RUNX1: variants seen among roughly 807,000 people sequenced by gnomAD.
RUNX1 encodes the protein runt-related transcription factor 1.
Under a neutral mutation model 42.8 loss-of-function variants are expected in RUNX1, and 19 were observed. That is an observed-to-expected ratio of 0.44 (90% confidence interval 0.31 to 0.65). The LOEUF (loss-of-function observed/expected upper bound fraction) is 0.65, where lower values mean the gene tolerates loss of function less well. Ranked by LOEUF, RUNX1 falls within the 30% of genes least tolerant of loss-of-function variation. RUNX1 has a pLI of 0.07. For synonymous variants in RUNX1, 271 were observed against 289.4 expected (o/e 0.94, Z 0.64); for missense variants, 528 against 672.0 (o/e 0.79, Z 2.37).
At chr21:34,842,505 A>AG (rs2057253154) in intron 6 of RUNX1, among the ~76,000 whole-genome samples, 1 of 151,576 alleles carries the variant, frequency 6.6e-6, no homozygotes, top group Non-Finnish European at 1.5e-5. Flanking sequence ...AAAAAAAAAA[A>AG]AAAAAAAAAA....
At chr21:35,029,738 G>A (rs1252370290) in intron 2 of RUNX1, among the ~76,000 whole-genome samples, 3 of 152,084 alleles carry the variant, frequency 2.0e-5, no homozygotes, top group Admixed American at 6.5e-5. Flanking sequence ...TCCGTCTTGG[G>A]CTTCTGGCAT....
intron 7 of RUNX1, among the ~76,000 whole-genome samples, chr21:34,831,367 G>C (rs1164615791): frequency 6.6e-6 from 1 of 152,128 alleles, no homozygotes; most frequent in Non-Finnish European, 1.5e-5. Context: ...AATCTGTACC[G>C]TGCTTCAGAT....
At chr21:34,878,438 A>C (rs1162751562) in intron 5 of RUNX1, among the ~76,000 whole-genome samples, 2 of 151,570 alleles carry the variant, frequency 1.3e-5, no homozygotes, top group Non-Finnish European at 1.5e-5. Flanking sequence ...AGTAATTACA[A>C]TTGGGTCAAA....
intron 2 of RUNX1, among the ~76,000 whole-genome samples, chr21:34,978,132 G>T (rs2058817079): frequency 6.6e-6 from 1 of 152,116 alleles, no homozygotes; most frequent in South Asian, 2.1e-4. Context: ...TAGAGACGGG[G>T]TTTCACCGTG....
At chr21:34,853,078 T>C (rs1435337977) in intron 6 of RUNX1, among the ~76,000 whole-genome samples, 8 of 152,172 alleles carry the variant, frequency 5.3e-5, no homozygotes, top group Non-Finnish European at 1.0e-4. Context: ...GTCACTCCAC[T>C]TTACCCATCT....
At chr21:34,896,348 G>A (rs933774038) in intron 2 of RUNX1, among the ~76,000 whole-genome samples, 4 of 152,088 alleles carry the variant, frequency 2.6e-5, no homozygotes, top group Admixed American at 2.6e-4. Context: ...CCAAGGAGAT[G>A]GAGCTAGGAA....
intron 6 of RUNX1, chr21:34,856,212 C>T (rs1339389282): frequency 4.9e-6 from 2 of 407,078 alleles, no homozygotes; most frequent in Non-Finnish European, 9.8e-6. Flanking sequence ...CAGTCCTTAA[C>T]TTAGTCAGCG....
Position 34,799,470 on chromosome 21 carries a change from G to C in RUNX1, c.806-8C>G, listed in dbSNP as rs1200875659. 4.3e-6 allele frequency: 7 copies of C among 1,613,190 alleles called. No homozygotes were observed. The highest frequency in any genetic ancestry group is 5.9e-6 in the Non-Finnish European group (7 of 1,179,242). On this transcript the variant is annotated splice_polypyrimidine_tract_variant and splice_region_variant and intron_variant, in intron 7 of 8. Coordinates refer to ENST00000675419, the MANE Select transcript of RUNX1 (RefSeq NM_001754.5). ...GTTGGATCTGCCTTGTATCTGAAGA[G>C]AATCAGAAAGGTCAATTATATGTAA...
At chr21:34,805,816 A>G (rs1398482578) in intron 7 of RUNX1, among the ~76,000 whole-genome samples, 1 of 152,236 alleles carries the variant, frequency 6.6e-6, no homozygotes, top group East Asian at 1.9e-4. Flanking sequence ...AACTGTTTAC[A>G]ATAATAGTAA....
chr21:35,008,264 C>T (rs2146900838), intron 2 of RUNX1, among the ~76,000 whole-genome samples: 1 of 152,298 alleles, frequency 6.6e-6, no homozygotes, highest in Admixed American at 6.5e-5. Flanking sequence ...TTCGAGTTGG[C>T]CTCATATTAG....
chr21:34,948,935 AAGT>A (rs2058586200), intron 2 of RUNX1, among the ~76,000 whole-genome samples: 1 of 151,794 alleles, frequency 6.6e-6, no homozygotes, highest in Non-Finnish European at 1.5e-5. Context: ...TGTGTATTTT[AAGT>A]AGAGACAGGG....
At chr21:34,967,899 T>C (rs1200429492) in intron 2 of RUNX1, among the ~76,000 whole-genome samples, 1 of 152,168 alleles carries the variant, frequency 6.6e-6, no homozygotes, top group Non-Finnish European at 1.5e-5. Flanking sequence ...TTGAAACCAG[T>C]TTTGCAGCCT....
At chr21:34,961,181 C>T (rs2146705705) in intron 2 of RUNX1, among the ~76,000 whole-genome samples, 1 of 152,186 alleles carries the variant, frequency 6.6e-6, no homozygotes, top group East Asian at 1.9e-4. Context: ...CGAGACCATC[C>T]TGGCCAACAT....
intron 2 of RUNX1, among the ~76,000 whole-genome samples, chr21:34,920,584 T>C (rs912637014): frequency 1.3e-5 from 2 of 152,192 alleles, no homozygotes; most frequent in Non-Finnish European, 2.9e-5. Flanking sequence ...CTGGAGAAGG[T>C]CTTAAACTTT....
intron 7 of RUNX1, among the ~76,000 whole-genome samples, chr21:34,808,737 C>T (rs2056718032): frequency 1.3e-5 from 2 of 152,176 alleles, no homozygotes; most frequent in African/African-American, 4.8e-5. Flanking sequence ...GGAAACAGTT[C>T]ACCCTGCACC....
rs1601433221 is a variant in RUNX1 at position 34,843,129 on chromosome 21, C to T, written c.614-8528G>A. Among the ~76,000 whole-genome samples the T allele has an allele frequency of 2.0e-5, 3 of 152,092 alleles. No individual in the cohort carries two copies. The East Asian group carries it at 5.8e-4, about 29-fold the overall frequency. ...GGACACACATGTATAAACACACATACAGACACACATGGACATATACACACA... is the reference window on the plus strand; with the variant it reads ...GGACACACATGTATAAACACACATATAGACACACATGGACATATACACACA... On this transcript the variant is annotated intron_variant, in intron 6 of 8. Transcript: ENST00000675419. This position sits in a 1 kb window ranked among gnomAD's most constrained non-coding sequence, Gnocchi z 4.8.
At chr21:34,877,598 G>A (rs1004870921) in intron 5 of RUNX1, among the ~76,000 whole-genome samples, 1 of 152,174 alleles carries the variant, frequency 6.6e-6, no homozygotes, top group Non-Finnish European at 1.5e-5. Context: ...AGGAGGGAAT[G>A]GAAGAAAAGA....
intron 2 of RUNX1, among the ~76,000 whole-genome samples, chr21:34,982,870 T>A (rs762628879): frequency 1.3e-5 from 2 of 152,208 alleles, no homozygotes; most frequent in African/African-American, 2.4e-5. Context: ...ATGTGGCCTA[T>A]CTTTACTTTT....
intron 2 of RUNX1, among the ~76,000 whole-genome samples, chr21:34,939,715 A>C (rs1180688487): frequency 1.3e-5 from 2 of 152,224 alleles, no homozygotes; most frequent in Non-Finnish European, 2.9e-5. Context: ...CTGTGAAAAC[A>C]ATAGCTTGTA....
Sources: gnomAD v4.1 joint callset for allele counts (sites outside exome capture counted in the v4.1 genomes callset) on GRCh38, gnomAD v4.1.1 for gene constraint, Gnocchi (gnomAD v3.1) non-coding constraint, MANE v1.5 for transcripts, NCBI Gene and HGNC (gene_info 2026-07-23, HGNC 2026-07-21) for gene names.